Variants in CPLANE1 observed in about 807,000 individuals in gnomAD.
The protein encoded by CPLANE1 is ciliogenesis and planar polarity effector 1.
In CPLANE1, 263 loss-of-function variants were observed where a neutral mutation model predicts 362.5. The observed-to-expected ratio is 0.73, with a 90% confidence interval of 0.66 to 0.80. CPLANE1 has a LOEUF of 0.80. CPLANE1 is among the 30% of genes least tolerant of loss of function. The pLI is 0.00. For synonymous variants in CPLANE1, 1,212 were observed against 1,302.6 expected (o/e 0.93, Z 1.50); for missense variants, 3,461 against 3,793.4 (o/e 0.91, Z 2.30).
At position 37,145,199 on chromosome 5, in the gene CPLANE1, G is replaced by C. The variant is rs527377317; in HGVS notation, c.8462-2719C>G. On this transcript the variant is annotated intron_variant, in intron 43 of 52. Coordinates refer to ENST00000651892, the MANE Select transcript of CPLANE1 (RefSeq NM_001384732.1). ...GTGCACCTGTAGTCCCAGTTACTTG[G>C]GGGGCTGAGGCAGGAGAATTGCTTG... 6.8e-4 allele frequency among the ~76,000 whole-genome samples: 104 copies of C among 152,170 alleles called. 1 individual carries two copies. In the South Asian group the frequency reaches 0.01, roughly 15 times the overall value.
intron 7 of CPLANE1, among the ~76,000 whole-genome samples, 200 bp downstream of exon 7, chr5:37,239,513 G>A (rs993043985): frequency 2.5e-4 from 38 of 149,202 alleles, no homozygotes; most frequent in Admixed American, 1.1e-3. Context: ...AGCCCAGGAG[G>A]TCGAGGCTGC....
chr5:37,158,790 AT>A (rs11347966), intron 38 of CPLANE1, among the ~76,000 whole-genome samples: 20,216 of 138,520 alleles, frequency 0.15, 951 homozygotes, highest in African/African-American at 0.23. Flanking sequence ...CATAATTCAC[AT>A]TTTTTTTTTT....
At chr5:37,128,594 C>T (rs1764890787) in intron 46 of CPLANE1, among the ~76,000 whole-genome samples, 1 of 152,156 alleles carries the variant, frequency 6.6e-6, no homozygotes, top group Admixed American at 6.5e-5. Flanking sequence ...AGGTGGCTCA[C>T]ACCTGTAATC....
chr5:37,130,726 A>AAT (rs1409651271), intron 46 of CPLANE1: 1 of 153,246 alleles, frequency 6.5e-6, no homozygotes, highest in African/African-American at 2.4e-5. Flanking sequence ...GATAAAGTGT[A>AAT]ATACAGTGGT....
chr5:37,108,481 G>GA lies in CPLANE1; in HGVS notation c.9401-11dup. On this transcript the variant is annotated splice_polypyrimidine_tract_variant and intron_variant, in intron 51 of 52. Transcript: ENST00000651892. ...CACGGAGCATTAGAGCCTTTTAAGG[G>GA]ATAAGAACAAAGCACACATTGGGAT... 1 of 1,606,044 alleles carries GA rather than the reference G, an allele frequency of 6.2e-7. No homozygotes were observed.
chr5:37,171,050 G>C (rs952389131), intron 32 of CPLANE1, among the ~76,000 whole-genome samples: 2 of 152,170 alleles, frequency 1.3e-5, no homozygotes, highest in African/African-American at 4.8e-5. Flanking sequence ...CGCTGACTAG[G>C]TGAAAGTAGT....
In CPLANE1 at chr5:37,107,092, T is replaced by C; in HGVS notation, c.*510A>G. On this transcript the variant is annotated 3_prime_UTR_variant, in exon 53 of 53. Transcript: ENST00000651892. ...ACTTTGCTTATTTAGAGATTCAGGGTTGGTAAAAGGTAGTTGGTTTTTCTT... is the reference window on the plus strand; with the variant it reads ...ACTTTGCTTATTTAGAGATTCAGGGCTGGTAAAAGGTAGTTGGTTTTTCTT... 5 of 985,402 alleles carry C rather than the reference T, an allele frequency of 5.1e-6. No individual in the cohort carries two copies. Among genetic ancestry groups the C allele is most frequent in the Non-Finnish European group, 4.8e-6 (4 of 829,938 alleles). The allele number at this position is 985,402 out of a possible 1,614,324, so 61.0% of individuals were successfully genotyped here.
At chr5:37,157,921 G>A in intron 39 of CPLANE1, 53 bp from the exon 40 acceptor site, 1 of 432,072 alleles carries the variant, frequency 2.3e-6, no homozygotes. Flanking sequence ...TACTCTATGT[G>A]GTCACTCCGC....
At chr5:37,093,583 G>A in the CPLANE1 span, among the ~76,000 whole-genome samples, 4 of 152,178 alleles carry the variant, frequency 2.6e-5, no homozygotes, top group African/African-American at 9.7e-5. Flanking sequence ...ACTCCTGGGG[G>A]TCACTCTTTG....
chr5:37,169,645 G>A (rs1779199574), intron 33 of CPLANE1, 84 bp from the exon 34 acceptor site: 1 of 1,213,134 alleles, frequency 8.2e-7, no homozygotes, highest in African/African-American at 1.5e-5. Flanking sequence ...ATGTTTTGCA[G>A]TGGGTAGAAT....
At chr5:37,186,234 G>C in intron 24 of CPLANE1, 52 bp downstream of exon 24, 2 of 927,254 alleles carry the variant, frequency 2.2e-6, no homozygotes, top group Non-Finnish European at 3.5e-6. Context: ...AAAACAAAAA[G>C]GGAATCTTCT....
At chr5:37,186,262 T>C in intron 24 of CPLANE1, 24 bp downstream of exon 24, 1 of 1,081,248 alleles carries the variant, frequency 9.2e-7, no homozygotes, top group Non-Finnish European at 1.4e-6. Context: ...ATCTGTTAGC[T>C]ATCTGAGAAA....
chr5:37,103,021 C>T (rs535505738), downstream of CPLANE1, among the ~76,000 whole-genome samples: 4 of 152,296 alleles, frequency 2.6e-5, no homozygotes, highest in South Asian at 6.2e-4. Context: ...GTGTGGGAAT[C>T]TAAGTCTCTT....
intron 14 of CPLANE1, among the ~76,000 whole-genome samples, chr5:37,222,988 G>A (rs912809034): frequency 8.5e-5 from 13 of 152,142 alleles, no homozygotes; most frequent in Non-Finnish European, 1.9e-4. Flanking sequence ...CCTACCTAAA[G>A]TGTCTTAACT....
intron 21 of CPLANE1, among the ~76,000 whole-genome samples, chr5:37,193,460 A>G (rs10065288): frequency 0.014 from 2,187 of 152,144 alleles, 54 homozygotes; most frequent in African/African-American, 0.049. Flanking sequence ...TTTGAGACCG[A>G]CCTAGCCAAC....
chr5:37,145,296 GACTCCATCTCAA>G (rs910565598), intron 43 of CPLANE1, among the ~76,000 whole-genome samples: 2 of 152,160 alleles, frequency 1.3e-5, no homozygotes, highest in African/African-American at 4.8e-5. Context: ...CACAGTGTGA[GACTCCATCTCAA>G]AAACAAACAA....
the CPLANE1 span, among the ~76,000 whole-genome samples, chr5:37,099,994 T>C: frequency 7.9e-4 from 120 of 152,336 alleles, no homozygotes; most frequent in Non-Finnish European, 2.2e-4. Context: ...AAGTTTCTTG[T>C]AGACTCTGGA....
the CPLANE1 span, among the ~76,000 whole-genome samples, chr5:37,078,377 T>C: frequency 2.6e-5 from 4 of 152,196 alleles, no homozygotes; most frequent in Non-Finnish European, 5.9e-5. Flanking sequence ...GACAAGATCT[T>C]GTTCTTTTTT....
intron 46 of CPLANE1, among the ~76,000 whole-genome samples, chr5:37,136,113 C>T (rs1460296722): frequency 6.6e-6 from 1 of 152,134 alleles, no homozygotes; most frequent in Non-Finnish European, 1.5e-5. Context: ...ACTCAAAAGT[C>T]CAAGTCCAAA....
Sources: allele counts gnomAD v4.1 joint callset (sites outside exome capture counted in the v4.1 genomes callset), GRCh38; gene constraint gnomAD v4.1.1; transcripts MANE v1.5; gene names NCBI Gene and HGNC (gene_info 2026-07-23, HGNC 2026-07-21).